The following CSMD1 variants were observed in gnomAD, a reference collection of about 807,000 sequenced individuals.
The protein encoded by CSMD1 is CUB and Sushi multiple domains 1, also known as CUB and sushi domain-containing protein 1.
Under a neutral mutation model 417.5 loss-of-function variants are expected in CSMD1, and 213 were observed. The ratio of observed to expected loss-of-function variants is 0.51; its 90% confidence interval spans 0.46 to 0.57. The LOEUF (loss-of-function observed/expected upper bound fraction) is 0.57, where lower values mean the gene tolerates loss of function less well. Ranked by LOEUF, CSMD1 falls within the 20% of genes least tolerant of loss-of-function variation. The pLI, the probability that CSMD1 is intolerant of heterozygous loss-of-function variation, is 0.00. For missense variants in CSMD1, 6,923 were observed against 4,529.7 expected, an observed-to-expected ratio of 1.53 and a Z score of -15.17; for synonymous variants, 2,862 against 1,736.8, an observed-to-expected ratio of 1.65 and a Z score of -16.11.
At chr8:3,717,588 G>T (rs989386189) in intron 6 of CSMD1, among the ~76,000 whole-genome samples, 1 of 152,106 alleles carries the variant, frequency 6.6e-6, no homozygotes, top group Non-Finnish European at 1.5e-5. Flanking sequence ...TAATCAAGAA[G>T]AAAATGTAAC....
chr8:3,347,916 T>G (rs894082455), intron 22 of CSMD1, 76 bp downstream of exon 22: 23 of 941,452 alleles, frequency 2.4e-5, no homozygotes, highest in Non-Finnish European at 3.5e-5. Context: ...TATATCTATA[T>G]GTAGAAAAAT....
At chr8:3,170,309 A>G (rs61635627) in intron 37 of CSMD1, among the ~76,000 whole-genome samples, 39,554 of 152,066 alleles carry the variant, frequency 0.26, 5,876 homozygotes, top group African/African-American at 0.41. Context: ...CCGGGTTCAC[A>G]CCATTCTCCC....
chr8:4,940,001 G>A (rs1807879876), intron 1 of CSMD1, among the ~76,000 whole-genome samples: 1 of 152,166 alleles, frequency 6.6e-6, no homozygotes. Flanking sequence ...TTATTGGGAA[G>A]ATTGGGAAAA....
chr8:3,445,421 T>C (rs1298684772), intron 12 of CSMD1, among the ~76,000 whole-genome samples: 2 of 152,298 alleles, frequency 1.3e-5, no homozygotes, highest in East Asian at 3.9e-4. Flanking sequence ...TACTTGCAGA[T>C]AGTTCTCAGA....
chr8:3,273,250 A>G (rs571286305), intron 26 of CSMD1, among the ~76,000 whole-genome samples: 6,253 of 151,146 alleles, frequency 0.041, 431 homozygotes, highest in African/African-American at 0.14. Context: ...ATTTGCGTAT[A>G]TTGAACTAGC....
intron 26 of CSMD1, among the ~76,000 whole-genome samples, chr8:3,260,336 G>T (rs1042073918): frequency 1.3e-5 from 2 of 152,078 alleles, no homozygotes; most frequent in African/African-American, 4.8e-5. Flanking sequence ...AGGATCAATG[G>T]GAACCAGCAG....
At chr8:4,828,002 CA>C (rs1799932864) in intron 1 of CSMD1, among the ~76,000 whole-genome samples, 1 of 152,082 alleles carries the variant, frequency 6.6e-6, no homozygotes, top group Non-Finnish European at 1.5e-5. Flanking sequence ...CTTTATAATG[CA>C]AAATGCATGT....
rs1231024998 is a variant in CSMD1 at position 3,395,046 on chromosome 8, G to A, written c.2593+1148C>T. Among the ~76,000 whole-genome samples, 7 of 152,282 alleles carry A rather than the reference G, an allele frequency of 4.6e-5. No individual in the cohort carries two copies. The South Asian group carries it at 1.0e-3, about 23-fold the overall frequency. ...AGGTTGTTAATTTAAATGTGCTGGA[G>A]TGGGGCTCAGGGAGAGGGTAACAAG... On this transcript the variant is annotated intron_variant, in intron 17 of 69. Coordinates refer to ENST00000635120, the MANE Select transcript of CSMD1 (RefSeq NM_033225.6).
At chr8:3,677,163 G>C (rs1381666204) in intron 7 of CSMD1, among the ~76,000 whole-genome samples, 1 of 151,856 alleles carries the variant, frequency 6.6e-6, no homozygotes, top group East Asian at 1.9e-4. Flanking sequence ...AGAACTTAAA[G>C]TAAAATAAAA....
chr8:3,079,356 T>C (rs1016283608), intron 49 of CSMD1, among the ~76,000 whole-genome samples: 2 of 152,200 alleles, frequency 1.3e-5, no homozygotes, highest in African/African-American at 2.4e-5. Flanking sequence ...CACATACATA[T>C]CATAGCATGT....
At chr8:4,403,100 G>A (rs1345003488) in intron 3 of CSMD1, among the ~76,000 whole-genome samples, 1 of 151,682 alleles carries the variant, frequency 6.6e-6, no homozygotes, top group Admixed American at 6.6e-5. Flanking sequence ...CAAAGTGCTG[G>A]GATTACAGGC....
chr8:4,256,823 G>A (rs545552856), intron 3 of CSMD1, among the ~76,000 whole-genome samples: 1 of 152,194 alleles, frequency 6.6e-6, no homozygotes, highest in Non-Finnish European at 1.5e-5. Flanking sequence ...GTCGAGTTAT[G>A]AGCAAAGAAC....
At position 3,663,142 on chromosome 8, in the gene CSMD1, C is replaced by T. The variant is rs115114216; in HGVS notation, c.1009+45272G>A. Reference sequence around the variant, plus strand: ...CAGTGGGGGCCTCAGGAGAGGCCGACAAAGAAAAGGTTAGGAAGAAAGGCT... The same window carrying T: ...CAGTGGGGGCCTCAGGAGAGGCCGATAAAGAAAAGGTTAGGAAGAAAGGCT... On this transcript the variant is annotated intron_variant, in intron 7 of 69. Transcript: ENST00000635120. Among the ~76,000 whole-genome samples the T allele has an allele frequency of 8.2e-3, 1,241 of 152,036 alleles. 15 individuals carry two copies. Among genetic ancestry groups the T allele is most frequent in the African/African-American group, 0.028 (1,172 of 41,446 alleles).
chr8:4,840,645 T>G (rs1263793216), intron 1 of CSMD1, among the ~76,000 whole-genome samples: 1 of 152,188 alleles, frequency 6.6e-6, no homozygotes, highest in African/African-American at 2.4e-5. Flanking sequence ...TTGCTATACT[T>G]TCTGAGTGAC....
At chr8:4,007,216 C>A (rs951680347) in intron 4 of CSMD1, among the ~76,000 whole-genome samples, 1 of 152,084 alleles carries the variant, frequency 6.6e-6, no homozygotes, top group Admixed American at 6.6e-5. Context: ...ATTTTCTATT[C>A]AAAGCTGTGA....
chr8:3,666,640 A>T (rs192521445), intron 7 of CSMD1, among the ~76,000 whole-genome samples: 46 of 152,274 alleles, frequency 3.0e-4, no homozygotes, highest in Admixed American at 2.6e-3. Flanking sequence ...AGATAATTGA[A>T]TCATGGGGGC....
intron 3 of CSMD1, among the ~76,000 whole-genome samples, chr8:4,182,684 C>T (rs903810034): frequency 1.3e-4 from 20 of 151,674 alleles, no homozygotes; most frequent in Admixed American, 1.1e-3. Context: ...TGTGAATGCC[C>T]GATTAATTTG....
chr8:2,989,360 A>G (rs1806187213), intron 54 of CSMD1, among the ~76,000 whole-genome samples: 1 of 152,224 alleles, frequency 6.6e-6, no homozygotes. Flanking sequence ...ACAAAACAAA[A>G]CAAAACAAAA....
intron 1 of CSMD1, among the ~76,000 whole-genome samples, chr8:4,800,887 C>T (rs1410487195): frequency 1.3e-5 from 2 of 152,222 alleles, no homozygotes; most frequent in Admixed American, 1.3e-4. Context: ...ACACATGGAA[C>T]TTACGTCTTG....
Sources: allele counts gnomAD v4.1 joint callset (sites outside exome capture counted in the v4.1 genomes callset), GRCh38; gene constraint gnomAD v4.1.1; transcripts MANE v1.5; gene names NCBI Gene and HGNC (gene_info 2026-07-23, HGNC 2026-07-21).